The following CPA6 variants were observed in gnomAD, a reference collection of about 807,000 sequenced individuals.
The protein encoded by CPA6 is carboxypeptidase B.
CPA6 carries 58 observed loss-of-function variants against 63.3 expected under a neutral mutation model. The observed-to-expected ratio is 0.92, with a 90% CI of 0.74 to 1.14. The LOEUF is 1.14. Among genes scored for constraint, CPA6 ranks in the 50% most tolerant of loss-of-function variants. The probability of loss-of-function intolerance (pLI) is 0.00; values close to 1 mark genes in which losing one functional copy is unlikely to be tolerated. For missense variants in CPA6, 565 were observed against 526.6 expected, an observed-to-expected ratio of 1.07 and a Z score of -0.71; for synonymous variants, 185 against 179.0, an observed-to-expected ratio of 1.03 and a Z score of -0.27.
In CPA6 at chr8:67,591,220, G is replaced by A. The variant is rs554529096; in HGVS notation, c.192+32956C>T. Among the ~76,000 whole-genome samples, 14 of 152,200 alleles carry A rather than the reference G, an allele frequency of 9.2e-5. No homozygotes were observed. In the South Asian group the frequency reaches 2.9e-3, roughly 32 times the overall value. On this transcript the variant is annotated intron_variant, in intron 2 of 10. Transcript: ENST00000297770. ...TAGATATGCGGCATTATTTCTGAGG[G>A]CTCTGGTGTGTTCCATTGATCTATA...
rs577130387 is a variant in CPA6 at position 67,603,898 on chromosome 8, C to T, written c.192+20278G>A. ...TATGGTGTCATTAACACTTTTTGTC[C>T]TTCTGATTAAAAAGCTTACATCTTT... On this transcript the variant is annotated intron_variant, in intron 2 of 10. Coordinates refer to ENST00000297770, the MANE Select transcript of CPA6 (RefSeq NM_020361.5). 9.5e-4 allele frequency among the ~76,000 whole-genome samples: 145 copies of T among 152,258 alleles called. 1 individual carries two copies. The highest frequency in any genetic ancestry group is 3.4e-3 in the African/African-American group (143 of 41,558).
At chr8:67,433,398 T>C (rs998495754) in intron 9 of CPA6, among the ~76,000 whole-genome samples, 2 of 152,228 alleles carry the variant, frequency 1.3e-5, no homozygotes, top group African/African-American at 4.8e-5. Flanking sequence ...GAATAGCTTG[T>C]TGGGTTTCTG....
chr8:67,687,892 T>C (rs575423285), intron 1 of CPA6, among the ~76,000 whole-genome samples: 2 of 152,208 alleles, frequency 1.3e-5, no homozygotes, highest in Non-Finnish European at 2.9e-5. Flanking sequence ...TTGTAAGATT[T>C]AATACTACAG....
At chr8:67,424,925 A>G (rs1809851343) in intron 10 of CPA6, among the ~76,000 whole-genome samples, 2 of 152,172 alleles carry the variant, frequency 1.3e-5, no homozygotes, top group South Asian at 4.1e-4. Context: ...TTTTCAGCAG[A>G]GTTGAAAGCT....
chr8:67,571,225 GGAGA>G (rs370516864), intron 2 of CPA6, among the ~76,000 whole-genome samples: 2 of 152,220 alleles, frequency 1.3e-5, no homozygotes, highest in South Asian at 2.1e-4. Context: ...GGATCTGAAG[GGAGA>G]GAGAGATTGC....
At chr8:67,581,708 C>G (rs1813777231) in intron 2 of CPA6, among the ~76,000 whole-genome samples, 1 of 152,178 alleles carries the variant, frequency 6.6e-6, no homozygotes, top group African/African-American at 2.4e-5. Flanking sequence ...TGTCCCCCAA[C>G]TCATGTGAGT....
chr8:67,636,429 A>G (rs947461910), intron 1 of CPA6, among the ~76,000 whole-genome samples: 6 of 151,616 alleles, frequency 4.0e-5, no homozygotes, highest in African/African-American at 1.2e-4. Context: ...CCTGTAAAAC[A>G]GTAAGTTTAC....
chr8:67,656,751 T>G (rs1216953161), intron 1 of CPA6, among the ~76,000 whole-genome samples: 1 of 152,124 alleles, frequency 6.6e-6, no homozygotes, highest in African/African-American at 2.4e-5. Context: ...TATATGAAAA[T>G]GAGGATCTGT....
chr8:67,547,392 T>C (rs2128972171), intron 2 of CPA6, among the ~76,000 whole-genome samples: 1 of 152,328 alleles, frequency 6.6e-6, no homozygotes, highest in African/African-American at 2.4e-5. Context: ...TCTAAGCATA[T>C]TCCTGGTACA....
At chr8:67,458,830 A>G (rs1045130368) in intron 8 of CPA6, among the ~76,000 whole-genome samples, 4 of 152,248 alleles carry the variant, frequency 2.6e-5, no homozygotes, top group African/African-American at 4.8e-5. Context: ...GGAAATTCCA[A>G]TTAAAACAAG....
intron 1 of CPA6, among the ~76,000 whole-genome samples, chr8:67,710,643 G>T (rs1817240452): frequency 6.6e-6 from 1 of 151,766 alleles, no homozygotes; most frequent in African/African-American, 2.4e-5. Context: ...TCAAAAGGGA[G>T]GGGGTATAAT....
chr8:67,686,454 C>T (rs112231012), intron 1 of CPA6, among the ~76,000 whole-genome samples: 22 of 152,224 alleles, frequency 1.4e-4, no homozygotes, highest in African/African-American at 2.9e-4. Context: ...TACATATATA[C>T]GCATAGCCAA....
intron 2 of CPA6, among the ~76,000 whole-genome samples, chr8:67,538,955 G>A (rs765222850): frequency 3.4e-4 from 52 of 152,024 alleles, no homozygotes; most frequent in Non-Finnish European, 5.7e-4. Flanking sequence ...CACCACGCCC[G>A]GCCCAGTCTG....
At chr8:67,498,042 T>A (rs1419590371) in intron 6 of CPA6, among the ~76,000 whole-genome samples, 1 of 152,222 alleles carries the variant, frequency 6.6e-6, no homozygotes, top group African/African-American at 2.4e-5. Flanking sequence ...TTGCTGTCTA[T>A]TCTCTTTGTT....
intron 2 of CPA6, among the ~76,000 whole-genome samples, chr8:67,548,070 TTTTTC>T (rs1301049119): frequency 6.6e-6 from 1 of 151,858 alleles, no homozygotes; most frequent in Non-Finnish European, 1.5e-5. Flanking sequence ...TCTTTTCTTT[TTTTTC>T]TTTTCTTTTC....
intron 8 of CPA6, among the ~76,000 whole-genome samples, chr8:67,455,710 A>C (rs1254963746): frequency 6.9e-6 from 1 of 144,082 alleles, no homozygotes; most frequent in East Asian, 2.1e-4. Flanking sequence ...GATTGCCAAG[A>C]CTGTTTTTTT....
chr8:67,617,462 T>C (rs1427292319), intron 2 of CPA6, among the ~76,000 whole-genome samples: 1 of 152,188 alleles, frequency 6.6e-6, no homozygotes, highest in Non-Finnish European at 1.5e-5. Context: ...CTTTCATTAC[T>C]TTACAAAGCC....
At chr8:67,423,551 C>T (rs1200166461) in intron 10 of CPA6, among the ~76,000 whole-genome samples, 1 of 152,204 alleles carries the variant, frequency 6.6e-6, no homozygotes, top group Non-Finnish European at 1.5e-5. Flanking sequence ...TTTCTCCAGA[C>T]CCTCAACATG....
At chr8:67,552,549 G>T (rs575991173) in intron 2 of CPA6, among the ~76,000 whole-genome samples, 1 of 151,884 alleles carries the variant, frequency 6.6e-6, no homozygotes, top group African/African-American at 2.4e-5. Context: ...CAAGGCGGGC[G>T]GATCACAAGA....
Sources: gnomAD v4.1 joint callset for allele counts (sites outside exome capture counted in the v4.1 genomes callset) on GRCh38, gnomAD v4.1.1 for gene constraint, MANE v1.5 for transcripts, NCBI Gene and HGNC (gene_info 2026-07-23, HGNC 2026-07-21) for gene names.